The following N4BP1 variants were observed in gnomAD, a reference collection of about 807,000 sequenced individuals.
The protein encoded by N4BP1 is NEDD4-binding protein 1.
A neutral mutation model predicts 70.9 loss-of-function variants in N4BP1; 21 were observed. The ratio of observed to expected loss-of-function variants is 0.30; its 90% CI spans 0.21 to 0.43. N4BP1 has a LOEUF of 0.43. Ranked by LOEUF, N4BP1 falls within the 20% of genes least tolerant of loss-of-function variation. The probability of loss-of-function intolerance (pLI) is 1.00; values close to 1 mark genes in which losing one functional copy is unlikely to be tolerated. For synonymous variants in N4BP1, 387 were observed against 394.6 expected (o/e 0.98, Z 0.23); for missense variants, 936 against 1,069.4 (o/e 0.88, Z 1.74).
intron 2 of N4BP1, among the ~76,000 whole-genome samples, chr16:48,554,040 C>T (rs879331990): frequency 6.6e-6 from 1 of 152,156 alleles, no homozygotes; most frequent in East Asian, 1.9e-4. Context: ...AGGAGGGCTC[C>T]ACTCTTTTTA....
At chr16:48,589,484 G>A (rs1964300911) in intron 1 of N4BP1, among the ~76,000 whole-genome samples, 1 of 152,152 alleles carries the variant, frequency 6.6e-6, no homozygotes, top group Non-Finnish European at 1.5e-5. Flanking sequence ...GAAGGGTGTT[G>A]TTCCTGGAGA....
At chr16:48,562,578 T>A (rs1230653379) in intron 1 of N4BP1, 134 bp from the exon 2 acceptor site, 3 of 765,298 alleles carry the variant, frequency 3.9e-6, no homozygotes, top group Non-Finnish European at 6.0e-6. Context: ...GAACAAAATG[T>A]CATGTTTTAA....
chr16:48,555,818 A>T (rs950696117), intron 2 of N4BP1, among the ~76,000 whole-genome samples: 1 of 152,234 alleles, frequency 6.6e-6, no homozygotes, highest in Non-Finnish European at 1.5e-5. Flanking sequence ...AGAAAAACCA[A>T]GAAATATGTA....
At chr16:48,551,029 A>T (rs1438033986) in intron 4 of N4BP1, among the ~76,000 whole-genome samples, 1 of 152,208 alleles carries the variant, frequency 6.6e-6, no homozygotes, top group East Asian at 1.9e-4. Flanking sequence ...GCATTACAAT[A>T]ACAGGCTAAG....
chr16:48,590,672 G>T (rs2151098714), intron 1 of N4BP1, among the ~76,000 whole-genome samples: 1 of 152,292 alleles, frequency 6.6e-6, no homozygotes, highest in Admixed American at 6.5e-5. Flanking sequence ...GAATTTAATT[G>T]CAATGGAGAA....
intron 1 of N4BP1, among the ~76,000 whole-genome samples, chr16:48,570,493 C>A (rs1239164808): frequency 6.6e-6 from 1 of 152,082 alleles, no homozygotes; most frequent in Non-Finnish European, 1.5e-5. Context: ...ACTACAGGCA[C>A]GTGCCACCAT....
At chr16:48,544,189 C>T (rs1963556036) in intron 6 of N4BP1, among the ~76,000 whole-genome samples, 2 of 152,156 alleles carry the variant, frequency 1.3e-5, no homozygotes, top group Admixed American at 6.5e-5. Context: ...AAAAGCATGG[C>T]ATTTGGGAAT....
chr16:48,542,849 G>C lies in N4BP1; in HGVS notation c.*55C>G. 1 of 1,444,726 alleles carries C rather than the reference G, an allele frequency of 6.9e-7. No individual in the cohort carries two copies. The highest frequency in any genetic ancestry group is 9.5e-7 in the Non-Finnish European group (1 of 1,052,706). The allele number at this position is 1,444,726 out of a possible 1,614,324, so 89.5% of individuals were successfully genotyped here. A position where few individuals can be genotyped will look rare whatever the true frequency, so the allele number is the denominator to read the frequency against. ...GTTCATTCCCATCAGGTACAGGTGTGAGCTTGAGTTTGATCAGCCAGCCCT... is the reference window on the plus strand; with the variant it reads ...GTTCATTCCCATCAGGTACAGGTGTCAGCTTGAGTTTGATCAGCCAGCCCT... On this transcript the variant is annotated 3_prime_UTR_variant, in exon 7 of 7. Transcript: ENST00000262384.
At position 48,553,484 on chromosome 16, in the gene N4BP1, TAA is replaced by T; in HGVS notation, c.2020+53_2020+54del. On this transcript the variant is annotated intron_variant, in intron 3 of 6. Transcript: ENST00000262384. ...TTCTAAATAGCATGTGTTGCAATTA[TAA>T]GCCAACTCATTAAACATTTCACTAG... The T allele has an allele frequency of 2.0e-6, 3 of 1,484,472 alleles. No homozygotes were observed. In the South Asian group the frequency reaches 4.5e-5, roughly 22 times the overall value. The allele number at this position is 1,484,472 out of a possible 1,614,324, so 92.0% of individuals were successfully genotyped here. A position where few individuals can be genotyped will look rare whatever the true frequency, so the allele number is the denominator to read the frequency against.
chr16:48,584,179 T>C (rs1025961774), intron 1 of N4BP1, among the ~76,000 whole-genome samples: 4 of 152,224 alleles, frequency 2.6e-5, no homozygotes, highest in Non-Finnish European at 5.9e-5. Context: ...TCTGACCATA[T>C]GGTGATCTGT....
At chr16:48,603,099 T>A (rs911450835) in intron 1 of N4BP1, among the ~76,000 whole-genome samples, 22 of 152,212 alleles carry the variant, frequency 1.4e-4, no homozygotes, top group African/African-American at 5.3e-4. Context: ...AAGTCAGTAC[T>A]GTAATAGGCC....
rs777850917 is a variant in N4BP1 at position 48,548,125 on chromosome 16, A to G, written c.2118-11T>C. The G allele has an allele frequency of 6.6e-6, 10 of 1,526,224 alleles. No homozygotes were observed. The highest frequency in any genetic ancestry group is 9.1e-6 in the Non-Finnish European group (10 of 1,104,398). 94.5% of individuals were successfully genotyped at this position (1,526,224 alleles called of 1,614,324 possible). On this transcript the variant is annotated splice_polypyrimidine_tract_variant and intron_variant, in intron 4 of 6. Transcript: ENST00000262384. ...AAGTGTAGTAGAAACCTATGGTAAT[A>G]TAAGAGAGTTTAAAATCAGCAACAG... is the stretch of plus-strand genomic sequence containing the variant.
At chr16:48,562,647 ACT>A (rs1963878865) in intron 1 of N4BP1, among the ~76,000 whole-genome samples, 1 of 152,112 alleles carries the variant, frequency 6.6e-6, no homozygotes, top group Admixed American at 6.5e-5. Flanking sequence ...GGAACTGAAA[ACT>A]CTGCATCCAA....
At chr16:48,573,473 G>C (rs1199287521) in intron 1 of N4BP1, among the ~76,000 whole-genome samples, 1 of 152,060 alleles carries the variant, frequency 6.6e-6, no homozygotes, top group African/African-American at 2.4e-5. Flanking sequence ...CACAACTGTA[G>C]TCCCAGCTAC....
intron 1 of N4BP1, among the ~76,000 whole-genome samples, chr16:48,591,691 T>C (rs1157434102): frequency 1.3e-5 from 2 of 151,662 alleles, no homozygotes; most frequent in South Asian, 2.1e-4. Flanking sequence ...TTTTTGTTTT[T>C]CTTCTCAGTC....
intron 2 of N4BP1, among the ~76,000 whole-genome samples, chr16:48,554,828 G>A (rs369109742): frequency 9.9e-5 from 15 of 152,210 alleles, no homozygotes; most frequent in East Asian, 3.8e-4. Context: ...GCAAATTCCA[G>A]TGAAACTAAC....
In N4BP1 at chr16:48,553,556, C is replaced by A; in HGVS notation, c.2003G>T (p.Arg668Leu). Reference sequence around the variant, plus strand: ...TGCCTCACCTGTGACATTAGGATCACGCCTTGTTCTCCACTGAGGGACAAA... The same window carrying A: ...TGCCTCACCTGTGACATTAGGATCAAGCCTTGTTCTCCACTGAGGGACAAA... ...TVFVPQWRTR[R>L]DPNVTEQHFL... The change falls in exon 3 of 7, where the codon CGT becomes CTT. Residue 668 changes from arginine (R) to leucine (L), a missense_variant. This residue lies in a region of N4BP1 where 229 missense variants were observed against 343.5 expected (regional missense o/e 0.67). Coordinates refer to ENST00000262384, the MANE Select transcript of N4BP1 (RefSeq NM_153029.4). 6.3e-7 allele frequency: 1 copy of A among 1,575,198 alleles called. No individual in the cohort carries two copies. The highest frequency in any genetic ancestry group is 8.6e-7 in the Non-Finnish European group (1 of 1,163,462).
intron 6 of N4BP1, 106 bp downstream of exon 6, chr16:48,546,041 A>T: frequency 1.5e-6 from 1 of 686,494 alleles, no homozygotes; most frequent in African/African-American, 1.9e-5. Context: ...AAAAAAAAAA[A>T]TAATTTTTTT....
intron 1 of N4BP1, among the ~76,000 whole-genome samples, chr16:48,602,617 T>C (rs1179633419): frequency 6.6e-6 from 1 of 151,982 alleles, no homozygotes; most frequent in Non-Finnish European, 1.5e-5. Flanking sequence ...GAGTAAAAAA[T>C]ATTCTGGGAA....
Sources: allele counts gnomAD v4.1 joint callset (sites outside exome capture counted in the v4.1 genomes callset), GRCh38; gene constraint gnomAD v4.1.1; regional missense constraint gnomAD v4.1.1; transcripts MANE v1.5; gene names NCBI Gene and HGNC (gene_info 2026-07-23, HGNC 2026-07-21).